Variants in MTHFD1L observed in about 807,000 individuals in gnomAD.
MTHFD1L encodes methylenetetrahydrofolate dehydrogenase (NADP+ dependent) 1 like, also known as monofunctional C1-tetrahydrofolate synthase, mitochondrial.
MTHFD1L carries 81 observed loss-of-function variants against 119.5 expected under a neutral mutation model. The ratio of observed to expected loss-of-function variants is 0.68; its 90% CI spans 0.57 to 0.82. MTHFD1L has a LOEUF of 0.82. Among genes scored for constraint, MTHFD1L ranks in the 40% least tolerant of loss-of-function variants. MTHFD1L has a pLI of 0.00. For synonymous variants in MTHFD1L, 430 were observed against 475.2 expected, an observed-to-expected ratio of 0.90 and a Z score of 1.24; for missense variants, 1,125 against 1,253.4, an observed-to-expected ratio of 0.90 and a Z score of 1.55.
chr6:150,994,094 A>AAAGAAGAAAGAAAGAAAGAAAG (rs1482239065), intron 20 of MTHFD1L, among the ~76,000 whole-genome samples: 10 of 119,608 alleles, frequency 8.4e-5, no homozygotes, highest in Non-Finnish European at 1.5e-4. Context: ...AGAAAGAAAG[A>AAAGAAGAAAGAAAGAAAGAAAG]AAGTGACCCA....
At chr6:151,041,966 GT>G (rs1343435459) in intron 26 of MTHFD1L, 10 of 351,040 alleles carry the variant, frequency 2.8e-5, no homozygotes, top group South Asian at 4.7e-5. Flanking sequence ...ATAGGCCAGG[GT>G]TTTTTTTTCC....
chr6:151,055,222 C>T (rs1376110587), intron 26 of MTHFD1L, among the ~76,000 whole-genome samples: 5 of 151,888 alleles, frequency 3.3e-5, no homozygotes, highest in African/African-American at 7.3e-5. Context: ...GCCTAGTTCG[C>T]GCCACTGGAC....
At chr6:151,096,349 G>T (rs1160109853) in intron 27 of MTHFD1L, among the ~76,000 whole-genome samples, 1 of 152,120 alleles carries the variant, frequency 6.6e-6, no homozygotes, top group Non-Finnish European at 1.5e-5. Context: ...GCTAAATACA[G>T]TTCTGGGCTA....
intron 24 of MTHFD1L, among the ~76,000 whole-genome samples, chr6:151,020,053 T>C (rs140115046): frequency 6.6e-6 from 1 of 152,288 alleles, no homozygotes; most frequent in South Asian, 2.1e-4. Context: ...CATATGACAC[T>C]CTCCCACCTT....
rs368454063 is a variant in MTHFD1L at position 151,009,742 on chromosome 6, G to A, written c.2126-77G>A. 9.2e-5 allele frequency: 139 copies of A among 1,512,750 alleles called. 2 individuals carry two copies. The South Asian group carries it at 1.5e-3, about 16-fold the overall frequency. The allele number at this position is 1,512,750 out of a possible 1,614,324, so 93.7% of individuals were successfully genotyped here. A position where few individuals can be genotyped will look rare whatever the true frequency, so the allele number is the denominator to read the frequency against. On this transcript the variant is annotated intron_variant, in intron 20 of 27. Transcript: ENST00000367321. Reference sequence around the variant, plus strand: ...GGAATGTAAGCTGTCCTTTGAGCTCGAATCATAGTGGTGATTGCCAAAACC... The same window carrying A: ...GGAATGTAAGCTGTCCTTTGAGCTCAAATCATAGTGGTGATTGCCAAAACC...
intron 24 of MTHFD1L, chr6:151,016,699 T>C: frequency 3.5e-6 from 1 of 287,150 alleles, no homozygotes; most frequent in Non-Finnish European, 6.6e-6. Context: ...TGTGTATATA[T>C]ACATACATAA....
At chr6:150,980,724 AAAG>A (rs1260652951) in intron 20 of MTHFD1L, among the ~76,000 whole-genome samples, 9 of 149,264 alleles carry the variant, frequency 6.0e-5, no homozygotes, top group African/African-American at 2.0e-4. Flanking sequence ...AAAAAAAAAA[AAAG>A]AAAGAAAGAA....
chr6:150,886,960 C>T (rs1247620043), intron 6 of MTHFD1L, among the ~76,000 whole-genome samples: 1 of 145,406 alleles, frequency 6.9e-6, no homozygotes, highest in Non-Finnish European at 1.5e-5. Flanking sequence ...CACACCGCAG[C>T]ATTCCATCCT....
intron 27 of MTHFD1L, among the ~76,000 whole-genome samples, chr6:151,093,044 C>T (rs1794589913): frequency 6.6e-6 from 1 of 152,194 alleles, no homozygotes; most frequent in African/African-American, 2.4e-5. Context: ...GCTGCCATGA[C>T]AAAGTATCGC....
chr6:151,074,736 C>A (rs528143368), intron 26 of MTHFD1L, among the ~76,000 whole-genome samples: 1 of 152,326 alleles, frequency 6.6e-6, no homozygotes, highest in Admixed American at 6.5e-5. Flanking sequence ...TCTGTTACAG[C>A]CACCTACTGT....
intron 2 of MTHFD1L, among the ~76,000 whole-genome samples, chr6:150,876,769 C>G (rs888619125): frequency 2.6e-5 from 4 of 152,170 alleles, no homozygotes; most frequent in Non-Finnish European, 4.4e-5. Context: ...AGCCTGGAAG[C>G]AAACACAGCC....
intron 6 of MTHFD1L, among the ~76,000 whole-genome samples, chr6:150,886,435 CA>C (rs996165446): frequency 0.24 from 16,544 of 69,676 alleles, 830 homozygotes; most frequent in Admixed American, 0.32. Flanking sequence ...GACCCTGCCT[CA>C]AAAAAAAAAA....
chr6:150,887,000 A>G (rs557951760), intron 6 of MTHFD1L, among the ~76,000 whole-genome samples: 16 of 151,926 alleles, frequency 1.1e-4, no homozygotes, highest in African/African-American at 3.6e-4. Context: ...ATCTGAAAAA[A>G]AAAAAAAAAG....
chr6:151,070,924 G>A (rs925137943), intron 26 of MTHFD1L, among the ~76,000 whole-genome samples: 3 of 152,146 alleles, frequency 2.0e-5, no homozygotes, highest in African/African-American at 7.2e-5. Flanking sequence ...CCCTAAAGCA[G>A]ATAGCCAACC....
Position 150,865,784 on chromosome 6 carries a change from C to T in MTHFD1L, c.-39C>T. On this transcript the variant is annotated 5_prime_UTR_variant, in exon 1 of 28. Coordinates refer to ENST00000367321, the MANE Select transcript of MTHFD1L (RefSeq NM_015440.5). The stretch of plus-strand genomic sequence containing the variant: ...CACGCGCCCCGCCGCCCTCGGCAGC[C>T]GCAGCTCCGTGTCCCCTGAGAACCA... 2 of 1,279,582 alleles carry T rather than the reference C, an allele frequency of 1.6e-6. No homozygotes were observed. The allele number at this position is 1,279,582 out of a possible 1,614,324, so 79.3% of individuals were successfully genotyped here. A position where few individuals can be genotyped will look rare whatever the true frequency, so the allele number is the denominator to read the frequency against.
intron 7 of MTHFD1L, among the ~76,000 whole-genome samples, chr6:150,899,993 AT>A (rs901296350): frequency 2.7e-5 from 4 of 147,876 alleles, no homozygotes; most frequent in African/African-American, 7.4e-5. Context: ...ATATATATAT[AT>A]TTTTTATATT....
Position 150,887,991 on chromosome 6 carries a change from A to T in MTHFD1L, c.780+10A>T, listed in dbSNP as rs1309561618. The T allele has an allele frequency of 6.3e-7, 1 of 1,594,534 alleles. No individual in the cohort carries two copies. Among genetic ancestry groups the T allele is most frequent in the Non-Finnish European group, 8.5e-7 (1 of 1,173,402 alleles). ...CCAGCTTCAAAGCAAGGTAAATTTC[A>T]TGTTAGAAACATACATCTTGAAGGC... On this transcript the variant is annotated intron_variant, in intron 7 of 27. Coordinates refer to ENST00000367321, the MANE Select transcript of MTHFD1L (RefSeq NM_015440.5).
chr6:150,951,430 T>C (rs1794865416), intron 16 of MTHFD1L, among the ~76,000 whole-genome samples: 1 of 152,258 alleles, frequency 6.6e-6, no homozygotes, highest in Non-Finnish European at 1.5e-5. Context: ...CTTGCTATAC[T>C]AATAAAACTA....
intron 26 of MTHFD1L, among the ~76,000 whole-genome samples, chr6:151,037,333 T>A (rs1379824277): frequency 1.3e-5 from 2 of 152,226 alleles, no homozygotes; most frequent in African/African-American, 4.8e-5. Context: ...TTCAGGGTCC[T>A]TAGAGTCATA....
Sources: gnomAD v4.1 joint callset for allele counts (sites outside exome capture counted in the v4.1 genomes callset) on GRCh38, gnomAD v4.1.1 for gene constraint, MANE v1.5 for transcripts, NCBI Gene and HGNC (gene_info 2026-07-23, HGNC 2026-07-21) for gene names.